The following AIG1 variants were observed in gnomAD, a reference collection of about 807,000 sequenced individuals.
AIG1 encodes the protein androgen induced 1.
Under a neutral mutation model 31.4 loss-of-function variants are expected in AIG1, and 23 were observed. That is an observed-to-expected ratio of 0.73 (90% CI 0.53 to 1.04). The LOEUF (loss-of-function observed/expected upper bound fraction) is 1.04, where lower values mean the gene tolerates loss of function less well. Ranked by LOEUF, AIG1 falls within the 50% of genes least tolerant of loss-of-function variation. The probability of loss-of-function intolerance (pLI) is 0.00; values close to 1 mark genes in which losing one functional copy is unlikely to be tolerated. For missense variants in AIG1, 274 were observed against 295.0 expected (o/e 0.93, Z 0.52); for synonymous variants, 100 against 110.5 (o/e 0.90, Z 0.60).
chr6:143,155,844 G>C (rs1208990153), intron 2 of AIG1, among the ~76,000 whole-genome samples: 1 of 152,178 alleles, frequency 6.6e-6, no homozygotes, highest in Non-Finnish European at 1.5e-5. Flanking sequence ...AAGGAAGTTT[G>C]ATTTTTTGTC....
At chr6:143,128,337 G>A (rs1427641578) in intron 1 of AIG1, among the ~76,000 whole-genome samples, 4 of 152,128 alleles carry the variant, frequency 2.6e-5, no homozygotes, top group African/African-American at 9.7e-5. Context: ...AGATGGAGAA[G>A]GAATTAAACA....
rs1432857200 is a variant in AIG1 at position 143,299,343 on chromosome 6, G to C, written c.515+15118G>C. ...TCTCAGCTAGCAGAGTCGAGAAATA[G>C]CATGACATAGGGCAGGTGTAACTGT... On this transcript the variant is annotated intron_variant, in intron 4 of 5. Coordinates refer to ENST00000357847, the MANE Select transcript of AIG1 (RefSeq NM_016108.4). The surrounding 1 kb of genome is among the most constrained non-coding windows in gnomAD (Gnocchi z 4.1). 1 of 152,186 alleles carries C rather than the reference G, an allele frequency of 6.6e-6. No individual in the cohort carries two copies. Among genetic ancestry groups the C allele is most frequent in the East Asian group, 1.9e-4 (1 of 5,188 alleles). The allele number at this position is 152,186 out of a possible 1,614,324, so 9.4% of individuals were successfully genotyped here.
chr6:143,226,245 T>C, intron 3 of AIG1, among the ~76,000 whole-genome samples: 1 of 125,968 alleles, frequency 7.9e-6, no homozygotes, highest in East Asian at 2.6e-4. Context: ...TATATATATA[T>C]ATTTTTTTTT....
chr6:143,247,865 G>T (rs1055284489), intron 3 of AIG1, among the ~76,000 whole-genome samples: 8 of 152,134 alleles, frequency 5.3e-5, no homozygotes, highest in Non-Finnish European at 1.2e-4. Context: ...TTAGGACCTG[G>T]TTTGAATCTG....
intron 3 of AIG1, among the ~76,000 whole-genome samples, chr6:143,170,132 T>A (rs1015333423): frequency 2.0e-5 from 3 of 152,108 alleles, no homozygotes; most frequent in Non-Finnish European, 4.4e-5. Context: ...CCCTCCCCTT[T>A]AATTTTTTGG....
chr6:143,136,153 A>T (rs1418127362), intron 1 of AIG1, among the ~76,000 whole-genome samples: 2 of 152,112 alleles, frequency 1.3e-5, no homozygotes, highest in Non-Finnish European at 2.9e-5. Flanking sequence ...ATCTCTGTTT[A>T]TATTACTTTG....
chr6:143,250,689 G>A (rs1391414696), intron 3 of AIG1, among the ~76,000 whole-genome samples: 2 of 152,078 alleles, frequency 1.3e-5, no homozygotes, highest in Admixed American at 1.3e-4. Flanking sequence ...GCCGCTACAA[G>A]CCAAGGACTT....
chr6:143,263,275 G>GT (rs34950112), intron 3 of AIG1, among the ~76,000 whole-genome samples: 65,993 of 146,392 alleles, frequency 0.45, 15,142 homozygotes, highest in East Asian at 0.78. Flanking sequence ...TCCTTTATTT[G>GT]TTTTTTTTTT....
chr6:143,254,506 C>T (rs920983615), intron 3 of AIG1, among the ~76,000 whole-genome samples: 6 of 152,068 alleles, frequency 3.9e-5, no homozygotes, highest in African/African-American at 1.2e-4. Flanking sequence ...AAACACAACC[C>T]GAAGCATGAA....
chr6:143,289,009 G>A (rs1205104553), intron 4 of AIG1, among the ~76,000 whole-genome samples: 1 of 152,174 alleles, frequency 6.6e-6, no homozygotes, highest in East Asian at 1.9e-4. Context: ...AAGGGAGGTT[G>A]TGGAGACCAA....
At chr6:143,156,757 G>T (rs1785804615) in intron 2 of AIG1, among the ~76,000 whole-genome samples, 1 of 152,200 alleles carries the variant, frequency 6.6e-6, no homozygotes, top group Non-Finnish European at 1.5e-5. Flanking sequence ...AGACATACTA[G>T]GAGCTTTTGA....
chr6:143,235,434 AG>A (rs1255400408), intron 3 of AIG1, among the ~76,000 whole-genome samples: 1 of 152,210 alleles, frequency 6.6e-6, no homozygotes, highest in East Asian at 1.9e-4. Flanking sequence ...ATGGCAGGGA[AG>A]GTATGTGGGA....
At chr6:143,099,327 A>G (rs951261059) in intron 1 of AIG1, among the ~76,000 whole-genome samples, 12 of 152,258 alleles carry the variant, frequency 7.9e-5, no homozygotes, top group South Asian at 2.1e-4. Flanking sequence ...CTCTGTCTGC[A>G]TTAGCCAAAC....
intron 3 of AIG1, among the ~76,000 whole-genome samples, chr6:143,209,033 G>A (rs929002565): frequency 6.6e-6 from 1 of 152,108 alleles, no homozygotes; most frequent in Non-Finnish European, 1.5e-5. Flanking sequence ...GGAGCCTGAT[G>A]TATTACTAGC....
intron 4 of AIG1, among the ~76,000 whole-genome samples, chr6:143,307,021 G>A (rs868572058): frequency 2.4e-4 from 37 of 151,924 alleles, no homozygotes; most frequent in African/African-American, 7.5e-4. Flanking sequence ...CATTCTTCAC[G>A]TAGTTCTCGA....
chr6:143,281,514 T>C (rs751380455), intron 3 of AIG1, among the ~76,000 whole-genome samples: 2 of 152,210 alleles, frequency 1.3e-5, no homozygotes, highest in Non-Finnish European at 2.9e-5. Context: ...CATGTAGCTG[T>C]AGTTCTAAAA....
At chr6:143,100,635 C>T (rs975713786) in intron 1 of AIG1, among the ~76,000 whole-genome samples, 3 of 151,608 alleles carry the variant, frequency 2.0e-5, no homozygotes, top group South Asian at 2.1e-4. Context: ...GTAAAGATTG[C>T]GTAAGATGCT....
chr6:143,220,776 C>T (rs1244900844), intron 3 of AIG1, among the ~76,000 whole-genome samples: 2 of 152,230 alleles, frequency 1.3e-5, no homozygotes, highest in Non-Finnish European at 2.9e-5. Context: ...ATGCAGAGCA[C>T]ACACCACCTC....
chr6:143,336,971 G>A (rs1018430883), intron 5 of AIG1, among the ~76,000 whole-genome samples: 3 of 152,156 alleles, frequency 2.0e-5, no homozygotes, highest in East Asian at 1.9e-4. Context: ...TGAAGCTAGC[G>A]GGGGAAATTC....
Sources: gnomAD v4.1 joint callset for allele counts (sites outside exome capture counted in the v4.1 genomes callset) on GRCh38, gnomAD v4.1.1 for gene constraint, Gnocchi (gnomAD v3.1) non-coding constraint, MANE v1.5 for transcripts, NCBI Gene and HGNC (gene_info 2026-07-23, HGNC 2026-07-21) for gene names.